DIAPH2: variants seen among roughly 807,000 people sequenced by gnomAD.
The protein encoded by DIAPH2 is diaphanous related formin 2.
DIAPH2 carries 35 observed loss-of-function variants against 92.7 expected under a neutral mutation model. The ratio of observed to expected loss-of-function variants is 0.38; its 90% CI spans 0.29 to 0.50. The LOEUF is 0.50. Among genes scored for constraint, DIAPH2 ranks in the 20% least tolerant of loss-of-function variants. DIAPH2 has a pLI of 0.94. For missense variants in DIAPH2, 701 were observed against 819.5 expected (o/e 0.86, Z 1.77); for synonymous variants, 301 against 280.4 (o/e 1.07, Z -0.73).
intron 25 of DIAPH2, among the ~76,000 whole-genome samples, chrX:97,419,133 C>T (rs1211835508): frequency 1.8e-5 from 2 of 110,854 alleles, no homozygotes; most frequent in Non-Finnish European, 3.8e-5. Context: ...TATGTTGGCC[C>T]ACACTGGCCT....
chrX:96,848,505 C>T (rs1447168158), intron 4 of DIAPH2, among the ~76,000 whole-genome samples: 2 of 112,320 alleles, frequency 1.8e-5, no homozygotes, highest in Non-Finnish European at 3.7e-5. Flanking sequence ...TCTTCCCTTA[C>T]TAATTTAAGC....
chrX:97,423,312 C>T (rs2070029016), intron 25 of DIAPH2, among the ~76,000 whole-genome samples: 1 of 111,823 alleles, frequency 8.9e-6, no homozygotes, highest in African/African-American at 3.3e-5. Context: ...ATCAGTGCCT[C>T]TGTTCACAAA....
At chrX:96,901,661 A>G (rs2065397610) in intron 5 of DIAPH2, among the ~76,000 whole-genome samples, 1 of 105,261 alleles carries the variant, frequency 9.5e-6, no homozygotes, top group Admixed American at 1.0e-4. Context: ...CAGCCTCCCA[A>G]GTAGCTGGGA....
chrX:96,908,767 T>A (rs2147777241), intron 5 of DIAPH2, among the ~76,000 whole-genome samples: 1 of 110,938 alleles, frequency 9.0e-6, no homozygotes, highest in South Asian at 3.9e-4. Flanking sequence ...GCCCAGCTAA[T>A]TTTTGGTATT....
At chrX:97,268,968 T>C (rs1360225775) in intron 23 of DIAPH2, among the ~76,000 whole-genome samples, 1 of 106,748 alleles carries the variant, frequency 9.4e-6, no homozygotes, top group Non-Finnish European at 1.9e-5. Context: ...GCGATTCTCC[T>C]GCCCCAGCCT....
chrX:97,253,256 C>G (rs886592844), intron 23 of DIAPH2, among the ~76,000 whole-genome samples: 7 of 86,022 alleles, frequency 8.1e-5, no homozygotes, highest in Non-Finnish European at 1.6e-4. Context: ...TCATTGCACT[C>G]CAGCCTGGGC....
At chrX:96,949,217 G>GA (rs1164404437) in intron 15 of DIAPH2, among the ~76,000 whole-genome samples, 178 bp downstream of exon 15, 6 of 109,960 alleles carry the variant, frequency 5.5e-5, no homozygotes, top group East Asian at 2.9e-4. Flanking sequence ...TTAATGCTTG[G>GA]AAAAAAAATA....
intron 26 of DIAPH2, among the ~76,000 whole-genome samples, chrX:97,546,769 G>A (rs1260580349): frequency 1.8e-5 from 2 of 110,755 alleles, no homozygotes; most frequent in Admixed American, 9.6e-5. Flanking sequence ...CCAGGAGGCG[G>A]AGGTTGCAGT....
chrX:97,515,421 A>C (rs1305212732), intron 26 of DIAPH2, among the ~76,000 whole-genome samples: 1 of 111,910 alleles, frequency 8.9e-6, no homozygotes. Context: ...GGCACTCCCT[A>C]GTGAGATGAA....
intron 26 of DIAPH2, among the ~76,000 whole-genome samples, chrX:97,596,585 G>A (rs2071553235): frequency 1.8e-5 from 2 of 111,486 alleles, no homozygotes; most frequent in Non-Finnish European, 3.8e-5. Flanking sequence ...TATCACATGA[G>A]CACCCAGTTT....
chrX:96,962,394 C>CAT (rs1411701352), intron 16 of DIAPH2, among the ~76,000 whole-genome samples: 2 of 55,598 alleles, frequency 3.6e-5, no homozygotes, highest in Admixed American at 2.2e-4. Flanking sequence ...TATATATACA[C>CAT]ATATATATAC....
chrX:97,073,888 T>C (rs73632876), intron 18 of DIAPH2, among the ~76,000 whole-genome samples: 1,262 of 112,182 alleles, frequency 0.011, 21 homozygotes, highest in African/African-American at 0.039. Flanking sequence ...TATTTGATAG[T>C]ACATTTTCAA....
At chrX:97,424,556 G>A (rs774110975) in intron 25 of DIAPH2, among the ~76,000 whole-genome samples, 104 of 111,672 alleles carry the variant, frequency 9.3e-4, no homozygotes, top group Non-Finnish European at 1.8e-3. Context: ...ATAATATTTC[G>A]ACAAGTATAG....
chrX:97,374,568 G>A (rs759723210), intron 24 of DIAPH2, among the ~76,000 whole-genome samples: 1 of 111,872 alleles, frequency 8.9e-6, no homozygotes, highest in Non-Finnish European at 1.9e-5. Flanking sequence ...AGTGGAAATC[G>A]CTGGGAAAGA....
chrX:97,000,554 T>C (rs1464030247), intron 17 of DIAPH2, among the ~76,000 whole-genome samples: 1 of 108,928 alleles, frequency 9.2e-6, no homozygotes, highest in African/African-American at 3.4e-5. Flanking sequence ...GGTTGATCGC[T>C]TGAGCCCTGG....
At chrX:97,151,614 A>G (rs5920786) in intron 22 of DIAPH2, among the ~76,000 whole-genome samples, 5,209 of 110,638 alleles carry the variant, frequency 0.047, 109 homozygotes, top group Non-Finnish European at 0.066. Context: ...TCTATATCAT[A>G]CTTGTCAATA....
At chrX:97,129,676 T>A (rs776292270) in intron 21 of DIAPH2, among the ~76,000 whole-genome samples, 1 of 111,006 alleles carries the variant, frequency 9.0e-6, no homozygotes, top group South Asian at 3.8e-4. Context: ...TGGAAAACAA[T>A]TTGGTACTAT....
At chrX:96,704,014 G>A (rs1157543109) in intron 1 of DIAPH2, among the ~76,000 whole-genome samples, 2 of 110,948 alleles carry the variant, frequency 1.8e-5, no homozygotes, top group African/African-American at 3.3e-5. Flanking sequence ...CTGCTGCCTC[G>A]GACTGTTGGG....
At chrX:97,214,000 A>G (rs1214947263) in intron 22 of DIAPH2, among the ~76,000 whole-genome samples, 1 of 111,855 alleles carries the variant, frequency 8.9e-6, no homozygotes. Context: ...TTTGAGGATG[A>G]GTAGGAAATT....
Sources: gnomAD v4.1 joint callset for allele counts (sites outside exome capture counted in the v4.1 genomes callset) on GRCh38, gnomAD v4.1.1 for gene constraint, MANE v1.5 for transcripts, NCBI Gene and HGNC (gene_info 2026-07-23, HGNC 2026-07-21) for gene names.